The following PPM1K variants were observed in gnomAD, a reference collection of about 807,000 sequenced individuals.
The protein encoded by PPM1K is protein phosphatase, Mg2+/Mn2+ dependent 1K, also known as protein phosphatase Mn(2+)-dependent 1K.
PPM1K carries 19 observed loss-of-function variants against 32.6 expected under a neutral mutation model. The ratio of observed to expected loss-of-function variants is 0.58; its 90% CI spans 0.41 to 0.86. The LOEUF (loss-of-function observed/expected upper bound fraction) is 0.86, where lower values mean the gene tolerates loss of function less well. PPM1K is among the 40% of genes least tolerant of loss of function. The pLI, the probability that PPM1K is intolerant of heterozygous loss-of-function variation, is 0.00. For synonymous variants in PPM1K, 159 were observed against 165.3 expected, an observed-to-expected ratio of 0.96 and a Z score of 0.29; for missense variants, 362 against 461.2, an observed-to-expected ratio of 0.78 and a Z score of 1.97.
chr4:88,258,926 A>C lies in PPM1K; in HGVS notation c.*3669T>G, dbSNP rs1731013224. Reference sequence around the variant, plus strand: ...ATGGCAAAACCCCATCTCTACTAAAAATACAAAAAAATTAGCCGGGCACGG... The same window carrying C: ...ATGGCAAAACCCCATCTCTACTAAACATACAAAAAAATTAGCCGGGCACGG... On this transcript the variant is annotated 3_prime_UTR_variant, in exon 7 of 7. Coordinates refer to ENST00000608933, the MANE Select transcript of PPM1K (RefSeq NM_152542.5). 1 of 151,828 alleles carries C rather than the reference A, an allele frequency of 6.6e-6. No homozygotes were observed. Among genetic ancestry groups the C allele is most frequent in the African/African-American group, 2.4e-5 (1 of 41,286 alleles). 9.4% of individuals were successfully genotyped at this position (151,828 alleles called of 1,614,324 possible). A position where few individuals can be genotyped will look rare whatever the true frequency, so the allele number is the denominator to read the frequency against.
chr4:88,267,341 T>C (rs1050919614), intron 5 of PPM1K, among the ~76,000 whole-genome samples: 2 of 151,174 alleles, frequency 1.3e-5, no homozygotes, highest in African/African-American at 2.4e-5. Flanking sequence ...TGATGCTGGC[T>C]GATTGGATGC....
rs190291227 is a variant in PPM1K at position 88,258,226 on chromosome 4, A to C, written c.*4369T>G. ...TTTTCTTATTATCATATTACCATGA[A>C]ATTAAATTTATGTCTGTTCTAAGGA... On this transcript the variant is annotated 3_prime_UTR_variant, in exon 7 of 7. Transcript: ENST00000608933. 1 of 152,314 alleles carries C rather than the reference A, an allele frequency of 6.6e-6. No homozygotes were observed. Among genetic ancestry groups the C allele is most frequent in the Admixed American group, 6.5e-5 (1 of 15,286 alleles). 9.4% of individuals were successfully genotyped at this position (152,314 alleles called of 1,614,324 possible).
At chr4:88,275,331 A>AT (rs1731721546) in intron 3 of PPM1K, 1 of 965,018 alleles carries the variant, frequency 1.0e-6, no homozygotes, top group Non-Finnish European at 1.2e-6. Flanking sequence ...TTTGTGATTA[A>AT]TTTCTTTATA....
chr4:88,264,025 T>C (rs1245513378), intron 6 of PPM1K, among the ~76,000 whole-genome samples: 2 of 152,226 alleles, frequency 1.3e-5, no homozygotes, highest in Non-Finnish European at 2.9e-5. Flanking sequence ...ATTACAAATT[T>C]CATTACCTTT....
intron 3 of PPM1K, among the ~76,000 whole-genome samples, chr4:88,273,555 C>T (rs1191321998): frequency 6.6e-6 from 1 of 152,006 alleles, no homozygotes; most frequent in Non-Finnish European, 1.5e-5. Context: ...GTGGCAGGCG[C>T]CTATAATCCC....
intron 3 of PPM1K, 80 bp downstream of exon 3, chr4:88,277,063 G>A (rs903165404): frequency 3.8e-5 from 40 of 1,058,688 alleles, no homozygotes; most frequent in Non-Finnish European, 4.6e-5. Context: ...CTCCCCCAAA[G>A]GACTTAAAGT....
At chr4:88,262,834 A>T in intron 6 of PPM1K, 108 bp from the exon 7 acceptor site, 2 of 1,285,722 alleles carry the variant, frequency 1.6e-6, no homozygotes, top group Non-Finnish European at 1.0e-6. Flanking sequence ...AGAAAGCCAA[A>T]CTGGTCTTAT....
At chr4:88,274,829 T>G (rs1336504890) in intron 3 of PPM1K, 1 of 178,324 alleles carries the variant, frequency 5.6e-6, no homozygotes, top group Non-Finnish European at 1.1e-5. Context: ...ATCAAGACAA[T>G]TTTTGCCATC....
intron 3 of PPM1K, among the ~76,000 whole-genome samples, chr4:88,270,143 C>CT (rs540364094): frequency 2.6e-5 from 4 of 151,332 alleles, no homozygotes; most frequent in East Asian, 3.9e-4. Context: ...TCTTTCCAAG[C>CT]TTTTTTTTTC....
At chr4:88,267,537 T>C (rs1411702002) in intron 5 of PPM1K, among the ~76,000 whole-genome samples, 1 of 152,248 alleles carries the variant, frequency 6.6e-6, no homozygotes, top group Non-Finnish European at 1.5e-5. Context: ...GAAGCCAAAA[T>C]ATTTCTCCCC....
chr4:88,270,089 T>G (rs1418473900), intron 3 of PPM1K, among the ~76,000 whole-genome samples: 1 of 152,234 alleles, frequency 6.6e-6, no homozygotes, highest in Non-Finnish European at 1.5e-5. Context: ...AAAGGTACAT[T>G]TAGGAAAAAC....
intron 4 of PPM1K, 96 bp from the exon 5 acceptor site, chr4:88,268,430 G>C: frequency 1.4e-6 from 2 of 1,386,788 alleles, no homozygotes; most frequent in Non-Finnish European, 2.0e-6. Flanking sequence ...AGACCATCCT[G>C]GCTAACACGG....
intron 6 of PPM1K, among the ~76,000 whole-genome samples, chr4:88,264,367 A>G (rs1731229830): frequency 6.6e-6 from 1 of 152,216 alleles, no homozygotes; most frequent in South Asian, 2.1e-4. Flanking sequence ...GTTCTGACTG[A>G]CACACAACCT....
chr4:88,267,138 G>T (rs1236281440), intron 5 of PPM1K, among the ~76,000 whole-genome samples: 1 of 151,604 alleles, frequency 6.6e-6, no homozygotes, highest in African/African-American at 2.4e-5. Context: ...TTGGGTGCGG[G>T]TGATGCTGGC....
At chr4:88,265,184 G>A (rs757547854) in intron 5 of PPM1K, 49 bp from the exon 6 acceptor site, 1 of 1,604,108 alleles carries the variant, frequency 6.2e-7, no homozygotes, top group Non-Finnish European at 8.5e-7. Flanking sequence ...CTCTGCCTTA[G>A]CACAATCTCG....
rs1184516169 is a variant in PPM1K, at chr4:88,262,095, T to C, written c.*500A>G. 1 of 152,576 alleles carries C rather than the reference T, an allele frequency of 6.6e-6. No individual in the cohort carries two copies. The allele number at this position is 152,576 out of a possible 1,614,324, so 9.5% of individuals were successfully genotyped here. On this transcript the variant is annotated 3_prime_UTR_variant, in exon 7 of 7. Transcript: ENST00000608933. ...ACAAAATATGGTAACAGAGAACTGT[T>C]TTCATACTTATTCCTTGGTACAGTT...
Position 88,262,684 on chromosome 4 carries a change from C to A in PPM1K, c.1030G>T (p.Val344Leu), listed in dbSNP as rs1318171090. The A allele has an allele frequency of 3.7e-6, 6 of 1,614,116 alleles. No homozygotes were observed. Among genetic ancestry groups the A allele is most frequent in the Non-Finnish European group, 5.1e-6 (6 of 1,179,998 alleles). ...TATTTTCCCCAGGCACCAAAAGGCA[C>A]TACTACTGCAGTACTGTTATCCTCA... Reference protein sequence around the residue: ...GTEDNSTAVVVPFGAWGKYKN... With the variant: ...GTEDNSTAVVLPFGAWGKYKN... Residue 344 changes from valine to leucine, a missense_variant, in exon 7 of 7, where the codon GTG becomes TTG. Coordinates refer to ENST00000608933, the MANE Select transcript of PPM1K (RefSeq NM_152542.5).
rs1387539291 is a variant in PPM1K, at chr4:88,260,761, A to G, written c.*1834T>C. On this transcript the variant is annotated 3_prime_UTR_variant, in exon 7 of 7. Coordinates refer to ENST00000608933, the MANE Select transcript of PPM1K (RefSeq NM_152542.5). ...ATACATTTTTACCCAAAGCTTAAAGAAAAAAAAAAAAGTCAACTCAAAACA... is the reference window on the plus strand; with the variant it reads ...ATACATTTTTACCCAAAGCTTAAAGGAAAAAAAAAAAGTCAACTCAAAACA... The G allele has an allele frequency of 7.1e-6, 1 of 140,498 alleles. No individual in the cohort carries two copies. Among genetic ancestry groups the G allele is most frequent in the Non-Finnish European group, 1.5e-5 (1 of 64,654 alleles). 8.7% of individuals were successfully genotyped at this position (140,498 alleles called of 1,614,324 possible).
At chr4:88,280,222 T>C (rs1429037435) in intron 1 of PPM1K, among the ~76,000 whole-genome samples, 1 of 152,198 alleles carries the variant, frequency 6.6e-6, no homozygotes. Flanking sequence ...ATTACAGGCA[T>C]GCGCCACAGA....
Sources: gnomAD v4.1 joint callset for allele counts (sites outside exome capture counted in the v4.1 genomes callset) on GRCh38, gnomAD v4.1.1 for gene constraint, MANE v1.5 for transcripts, NCBI Gene and HGNC (gene_info 2026-07-23, HGNC 2026-07-21) for gene names.